BTD: variants seen among roughly 807,000 people sequenced by gnomAD.
BTD encodes biotinidase.
BTD carries 13 observed loss-of-function variants against 17.7 expected under a neutral mutation model. The observed-to-expected ratio is 0.74, with a 90% CI of 0.48 to 1.17. The LOEUF is 1.17. Ranked by LOEUF, BTD falls within the 50% of genes most tolerant of loss-of-function variation. The pLI is 0.00. For missense variants in BTD, 674 were observed against 650.4 expected, an observed-to-expected ratio of 1.04 and a Z score of -0.39; for synonymous variants, 240 against 245.2, an observed-to-expected ratio of 0.98 and a Z score of 0.20.
intron 3 of BTD, among the ~76,000 whole-genome samples, chr3:15,704,871 C>G (rs185430261): frequency 1.3e-5 from 2 of 152,260 alleles, no homozygotes; most frequent in East Asian, 3.9e-4. Context: ...TGATGGCACT[C>G]GACAGGCTCT....
intron 1 of BTD, among the ~76,000 whole-genome samples, chr3:15,617,296 A>G (rs992305100): frequency 6.6e-6 from 1 of 152,222 alleles, no homozygotes; most frequent in Non-Finnish European, 1.5e-5. Context: ...TTTGCAGATC[A>G]AAAGTTTTAC....
intron 3 of BTD, chr3:15,670,357 A>G (rs754542101): frequency 8.7e-6 from 14 of 1,613,884 alleles, no homozygotes; most frequent in Admixed American, 3.3e-5. Flanking sequence ...TGAAACTGCA[A>G]TAGGAGCTAG....
At position 15,650,545 on chromosome 3, in the gene BTD, A is replaced by G. The variant is rs1048144235; in HGVS notation, c.*5057A>G. ...AAATGGTGTCTCTGGACACAGTATC[A>G]CACTCTACTCTGCACTCTTCTTTAT... is the stretch of plus-strand genomic sequence containing the variant. On this transcript the variant is annotated 3_prime_UTR_variant, in exon 4 of 4. Coordinates refer to ENST00000643237, the MANE Select transcript of BTD (RefSeq NM_001370658.1). 3.9e-5 allele frequency among the ~76,000 whole-genome samples: 6 copies of G among 152,124 alleles called. No homozygotes were observed. Among genetic ancestry groups the G allele is most frequent in the Non-Finnish European group, 7.4e-5 (5 of 68,014 alleles).
chr3:15,690,084 A>G, intron 3 of BTD: 1 of 1,612,478 alleles, frequency 6.2e-7, no homozygotes, highest in African/African-American at 1.3e-5. Context: ...TCCCTGATTA[A>G]TGAGTACATC....
chr3:15,642,688 T>C (rs2065554059), intron 3 of BTD, among the ~76,000 whole-genome samples: 1 of 152,088 alleles, frequency 6.6e-6, no homozygotes, highest in African/African-American at 2.4e-5. Flanking sequence ...GGTCTCGATC[T>C]CCTGACCTTG....
At chr3:15,686,302 A>T in intron 3 of BTD, 1 of 1,578,242 alleles carries the variant, frequency 6.3e-7, no homozygotes, top group Non-Finnish European at 8.6e-7. Flanking sequence ...CTGAATGACC[A>T]TTTGTTGCTG....
At chr3:15,616,874 C>G (rs1284603737) in intron 1 of BTD, among the ~76,000 whole-genome samples, 2 of 152,028 alleles carry the variant, frequency 1.3e-5, no homozygotes, top group African/African-American at 4.8e-5. Flanking sequence ...ACTCTGTCAC[C>G]CAGGCTGGAG....
intron 3 of BTD, among the ~76,000 whole-genome samples, chr3:15,698,661 T>C (rs1472469484): frequency 6.6e-6 from 1 of 151,900 alleles, no homozygotes; most frequent in Non-Finnish European, 1.5e-5. Context: ...GAGAGTAAAA[T>C]ACCTAGGAAT....
chr3:15,708,177 C>T, intron 3 of BTD: 2 of 1,214,400 alleles, frequency 1.6e-6, no homozygotes, highest in Non-Finnish European at 2.3e-6. Context: ...TACAGTGAGA[C>T]TTAGACTACC....
At chr3:15,713,919 AAATT>A (rs1333962422), downstream of BTD, among the ~76,000 whole-genome samples, 5 of 152,226 alleles carry the variant, frequency 3.3e-5, no homozygotes, top group Non-Finnish European at 5.9e-5. Context: ...TATTAAAACA[AAATT>A]AAACACGTTT....
intron 3 of BTD, chr3:15,676,019 A>C: frequency 6.3e-7 from 1 of 1,579,568 alleles, no homozygotes; most frequent in Non-Finnish European, 8.7e-7. Flanking sequence ...ACATGTACAC[A>C]TATGTGCATG....
chr3:15,632,920 T>G (rs1214167000), intron 1 of BTD: 1 of 152,224 alleles, frequency 6.6e-6, no homozygotes, highest in Non-Finnish European at 1.5e-5. Context: ...GGGTAAAATG[T>G]TTCTTTGGGA....
chr3:15,619,085 G>A (rs922835311), intron 1 of BTD, among the ~76,000 whole-genome samples: 1 of 152,152 alleles, frequency 6.6e-6, no homozygotes, highest in African/African-American at 2.4e-5. Flanking sequence ...GTATGATGTT[G>A]AAAAGCAGTG....
At chr3:15,691,314 G>A (rs1465758470) in intron 3 of BTD, among the ~76,000 whole-genome samples, 1 of 151,898 alleles carries the variant, frequency 6.6e-6, no homozygotes, top group African/African-American at 2.4e-5. Flanking sequence ...TAGTAGAAAC[G>A]GGGTTTCACC....
chr3:15,689,568 G>A (rs997424502), intron 3 of BTD, among the ~76,000 whole-genome samples: 1 of 152,228 alleles, frequency 6.6e-6, no homozygotes, highest in African/African-American at 2.4e-5. Flanking sequence ...CTTTTCATGA[G>A]AGCAGGACAG....
intron 2 of BTD, among the ~76,000 whole-genome samples, chr3:15,637,553 G>C (rs1485027195): frequency 6.6e-6 from 1 of 152,148 alleles, no homozygotes; most frequent in Non-Finnish European, 1.5e-5. Context: ...GACATCCCAA[G>C]TATCAGTTAC....
Position 15,648,985 on chromosome 3 carries a change from C to T in BTD, c.*3497C>T, listed in dbSNP as rs2125519355. 6.6e-6 allele frequency among the ~76,000 whole-genome samples: 1 copy of T among 152,354 alleles called. No homozygotes were observed. The highest frequency in any genetic ancestry group is 2.1e-4 in the South Asian group (1 of 4,830). On this transcript the variant is annotated 3_prime_UTR_variant, in exon 4 of 4. Transcript: ENST00000643237. ...ACAACTCCCCACACACAACCCACCC[C>T]TGCAGGTTTCAGAAGAAGCATGGCT... is the stretch of plus-strand genomic sequence containing the variant.
intron 1 of BTD, among the ~76,000 whole-genome samples, chr3:15,614,979 C>G (rs2064752948): frequency 1.3e-5 from 2 of 152,298 alleles, no homozygotes; most frequent in South Asian, 2.1e-4. Flanking sequence ...TGAAAATTTT[C>G]ACTAGTAATC....
chr3:15,618,115 C>T (rs531002563), intron 1 of BTD, among the ~76,000 whole-genome samples: 43 of 152,162 alleles, frequency 2.8e-4, no homozygotes, highest in Non-Finnish European at 5.9e-4. Flanking sequence ...ACCGCCTTGC[C>T]CAGCTAACTT....
Sources: allele counts gnomAD v4.1 joint callset (sites outside exome capture counted in the v4.1 genomes callset), GRCh38; gene constraint gnomAD v4.1.1; transcripts MANE v1.5; gene names NCBI Gene and HGNC (gene_info 2026-07-23, HGNC 2026-07-21).